Variants in SKAP2 observed in about 807,000 individuals in gnomAD.
SKAP2 encodes src kinase-associated phosphoprotein 2.
SKAP2 carries 28 observed loss-of-function variants against 54.9 expected under a neutral mutation model. The ratio of observed to expected loss-of-function variants is 0.51; its 90% CI spans 0.38 to 0.70. The LOEUF (loss-of-function observed/expected upper bound fraction) is 0.70, where lower values mean the gene tolerates loss of function less well. SKAP2 is among the 30% of genes least tolerant of loss of function. The probability of loss-of-function intolerance (pLI) is 0.00; values close to 1 mark genes in which losing one functional copy is unlikely to be tolerated. For missense variants in SKAP2, 356 were observed against 424.1 expected, an observed-to-expected ratio of 0.84 and a Z score of 1.41; for synonymous variants, 137 against 134.3, an observed-to-expected ratio of 1.02 and a Z score of -0.14.
At chr7:26,696,341 T>C (rs549862068) in intron 9 of SKAP2, among the ~76,000 whole-genome samples, 3 of 152,296 alleles carry the variant, frequency 2.0e-5, no homozygotes, top group South Asian at 2.1e-4. Context: ...TTTACTCTTA[T>C]GGAAATTTGG....
At chr7:26,740,508 G>C (rs999594249) in intron 4 of SKAP2, among the ~76,000 whole-genome samples, 3 of 151,866 alleles carry the variant, frequency 2.0e-5, no homozygotes, top group Admixed American at 2.0e-4. Flanking sequence ...GTTTTTATAG[G>C]GCATTTAAGA....
chr7:26,747,954 T>C (rs2127965084), intron 4 of SKAP2, among the ~76,000 whole-genome samples: 1 of 152,264 alleles, frequency 6.6e-6, no homozygotes, highest in African/African-American at 2.4e-5. Flanking sequence ...ATCAATTGTG[T>C]TCACCAACAT....
chr7:26,763,875 A>G (rs930903016), intron 4 of SKAP2, among the ~76,000 whole-genome samples: 6 of 152,158 alleles, frequency 3.9e-5, no homozygotes, highest in Non-Finnish European at 2.9e-5. Flanking sequence ...CTGTAACACA[A>G]TGGTAACTAC....
chr7:26,696,182 G>A (rs1387610421), intron 9 of SKAP2, among the ~76,000 whole-genome samples: 1 of 152,018 alleles, frequency 6.6e-6, no homozygotes, highest in African/African-American at 2.4e-5. Flanking sequence ...TACTTCTAAA[G>A]GACTGTTCTG....
At chr7:26,658,538 C>A in the SKAP2 span, among the ~76,000 whole-genome samples, 1 of 151,522 alleles carries the variant, frequency 6.6e-6, no homozygotes, top group Non-Finnish European at 1.5e-5. Context: ...TTTTAATGAA[C>A]AAATACCTCA....
At chr7:26,681,354 G>A (rs565901455) in intron 11 of SKAP2, among the ~76,000 whole-genome samples, 1 of 152,304 alleles carries the variant, frequency 6.6e-6, no homozygotes, top group African/African-American at 2.4e-5. Flanking sequence ...TGAGGCAGGA[G>A]AATCGCTTAA....
chr7:26,814,108 T>C (rs1393773551), intron 4 of SKAP2, among the ~76,000 whole-genome samples: 1 of 151,134 alleles, frequency 6.6e-6, no homozygotes, highest in Non-Finnish European at 1.5e-5. Flanking sequence ...GATTTACTAA[T>C]TAAAAATATT....
downstream of SKAP2, among the ~76,000 whole-genome samples, chr7:26,665,171 C>T (rs992470936): frequency 3.3e-5 from 5 of 152,138 alleles, no homozygotes; most frequent in African/African-American, 1.2e-4. Context: ...TGATATTACG[C>T]AAGTGGAATG....
intron 4 of SKAP2, among the ~76,000 whole-genome samples, chr7:26,822,803 A>G (rs1387554230): frequency 6.6e-6 from 1 of 151,868 alleles, no homozygotes; most frequent in East Asian, 1.9e-4. Flanking sequence ...GAATGGCGTG[A>G]ACCCAGGAGG....
chr7:26,715,486 T>C (rs1036476156), intron 9 of SKAP2, among the ~76,000 whole-genome samples: 4 of 152,022 alleles, frequency 2.6e-5, no homozygotes, highest in African/African-American at 9.7e-5. Context: ...CCCAAAGAAT[T>C]AATAACATGG....
chr7:26,689,396 C>G (rs923744213), intron 10 of SKAP2, among the ~76,000 whole-genome samples: 11 of 152,194 alleles, frequency 7.2e-5, no homozygotes, highest in Non-Finnish European at 1.3e-4. Context: ...TAACCTCATG[C>G]TTGCACTACA....
chr7:26,697,093 AGAAT>A (rs1212019437), intron 9 of SKAP2, among the ~76,000 whole-genome samples: 1 of 152,188 alleles, frequency 6.6e-6, no homozygotes, highest in Non-Finnish European at 1.5e-5. Context: ...AACCTTAGAT[AGAAT>A]CTTGTTCAGT....
intron 9 of SKAP2, among the ~76,000 whole-genome samples, chr7:26,721,239 G>C (rs1040513908): frequency 6.6e-6 from 1 of 152,074 alleles, no homozygotes; most frequent in Non-Finnish European, 1.5e-5. Flanking sequence ...AGTAATATGA[G>C]TGATAATTAT....
rs567482831 is a variant in SKAP2 at position 26,750,255 on chromosome 7, AATATACCAT to A, written c.308-10300_308-10292del. Among the ~76,000 whole-genome samples, 369 of 152,036 alleles carry A rather than the reference AATATACCAT, an allele frequency of 2.4e-3. 2 individuals carry two copies. Among genetic ancestry groups the A allele is most frequent in the African/African-American group, 8.1e-3 (334 of 41,480 alleles). On this transcript the variant is annotated intron_variant, in intron 4 of 12. Coordinates refer to ENST00000345317, the MANE Select transcript of SKAP2 (RefSeq NM_003930.5). The stretch of plus-strand genomic sequence containing the variant: ...CCCTAAGTGTAACATGATATATTTT[AATATACCAT>A]ATATACCATATACCTAATATACCTA...
intron 9 of SKAP2, among the ~76,000 whole-genome samples, chr7:26,697,169 C>A (rs1415135379): frequency 6.6e-6 from 1 of 152,150 alleles, no homozygotes; most frequent in Non-Finnish European, 1.5e-5. Flanking sequence ...CGAGGGCACA[C>A]AGCTTGCACA....
intron 4 of SKAP2, among the ~76,000 whole-genome samples, chr7:26,802,260 GTTTT>G (rs34277928): frequency 3.9e-5 from 5 of 129,442 alleles, no homozygotes; most frequent in East Asian, 4.9e-4. Flanking sequence ...AGAAAAGACA[GTTTT>G]TTTTTTTTTT....
intron 4 of SKAP2, among the ~76,000 whole-genome samples, chr7:26,762,124 T>A (rs1371661509): frequency 6.6e-6 from 1 of 152,076 alleles, no homozygotes; most frequent in Non-Finnish European, 1.5e-5. Context: ...GTTCAATTTA[T>A]TCATAGCTTT....
chr7:26,774,521 G>GTATATA (rs879746688), intron 4 of SKAP2, among the ~76,000 whole-genome samples: 1 of 148,790 alleles, frequency 6.7e-6, no homozygotes, highest in Non-Finnish European at 1.5e-5. Flanking sequence ...GTGTGTGTAT[G>GTATATA]TATATATATA....
intron 4 of SKAP2, among the ~76,000 whole-genome samples, chr7:26,834,557 C>A (rs1325385205): frequency 6.6e-6 from 1 of 152,142 alleles, no homozygotes; most frequent in Admixed American, 6.5e-5. Context: ...TCAGAAAATA[C>A]TATAAACACC....
Sources: allele counts gnomAD v4.1 joint callset (sites outside exome capture counted in the v4.1 genomes callset), GRCh38; gene constraint gnomAD v4.1.1; transcripts MANE v1.5; gene names NCBI Gene and HGNC (gene_info 2026-07-23, HGNC 2026-07-21).